Variants in SLC22A11 observed in about 807,000 individuals in gnomAD.
The protein encoded by SLC22A11 is solute carrier family 22 member 11, also known as organic anion transporter 4.
SLC22A11 carries 42 observed loss-of-function variants against 49.4 expected under a neutral mutation model. That is an observed-to-expected ratio of 0.85 (90% confidence interval 0.66 to 1.10). SLC22A11 has a LOEUF of 1.10. SLC22A11 is among the 50% of genes least tolerant of loss of function. The pLI is 0.00. For missense variants in SLC22A11, 685 were observed against 731.6 expected, an observed-to-expected ratio of 0.94 and a Z score of 0.74; for synonymous variants, 304 against 315.8, an observed-to-expected ratio of 0.96 and a Z score of 0.40.
rs2038603798 is a variant in SLC22A11, at chr11:64,565,050, GAGA to G, written c.943-170_943-168del. 6.6e-6 allele frequency among the ~76,000 whole-genome samples: 1 copy of G among 152,186 alleles called. No homozygotes were observed. On this transcript the variant is annotated intron_variant, in intron 5 of 9. Coordinates refer to ENST00000301891, the MANE Select transcript of SLC22A11 (RefSeq NM_018484.4). The surrounding 1 kb of genome is among the most constrained non-coding windows in gnomAD (Gnocchi z 4.1). The stretch of plus-strand genomic sequence containing the variant: ...ACCTGCAGAAGAGCCAGGGCCTGGA[GAGA>G]ACCTTTTCTGCCCCATCCCCTCCCC...
Position 64,569,653 on chromosome 11 carries a change from AT to A in SLC22A11, c.1385del (p.Met462ArgfsTer16). 1 of 1,613,270 alleles carries A rather than the reference AT, an allele frequency of 6.2e-7. No homozygotes were observed. Among genetic ancestry groups the A allele is most frequent in the Non-Finnish European group, 8.5e-7 (1 of 1,179,530 alleles). On this transcript the variant is annotated frameshift_variant and splice_region_variant, in exon 9 of 10. Coordinates refer to ENST00000301891, the MANE Select transcript of SLC22A11 (RefSeq NM_018484.4). LOFTEE classifies it high-confidence loss of function. The stretch of plus-strand genomic sequence containing the variant: ...CTGGGCCCTCCCCTTCACCCACAGG[AT>A]GACAGCAGATGGCATTCTGCATACA... The part of the protein sequence containing the change: ...KAELFPTPVR[M>X]TADGILHTVG...
intron 1 of SLC22A11, 78 bp from the exon 2 acceptor site, chr11:64,559,057 G>C: frequency 8.0e-7 from 1 of 1,252,066 alleles, no homozygotes; most frequent in Non-Finnish European, 1.2e-6. Context: ...CCCCAGTGTG[G>C]GTCAGGCGTT....
Position 64,565,501 on chromosome 11 carries a change from C to A in SLC22A11, c.1058+164C>A. 1.5e-6 allele frequency: 1 copy of A among 686,770 alleles called. No individual in the cohort carries two copies. Among genetic ancestry groups the A allele is most frequent in the Non-Finnish European group, 2.6e-6 (1 of 377,848 alleles). The allele number at this position is 686,770 out of a possible 1,614,324, so 42.5% of individuals were successfully genotyped here. A position where few individuals can be genotyped will look rare whatever the true frequency, so the allele number is the denominator to read the frequency against. On this transcript the variant is annotated intron_variant, in intron 6 of 9. Transcript: ENST00000301891. This position sits in a 1 kb window ranked among gnomAD's most constrained non-coding sequence, Gnocchi z 4.1. Reference sequence around the variant, plus strand: ...GCAGACAGCCCCAGCAGGCAGGAGTCCTGGCAGGCAGCAGAGAGGGACTAT... The same window carrying A: ...GCAGACAGCCCCAGCAGGCAGGAGTACTGGCAGGCAGCAGAGAGGGACTAT...
At chr11:64,560,964 T>C (rs1009906648) in intron 2 of SLC22A11, among the ~76,000 whole-genome samples, 3 of 152,204 alleles carry the variant, frequency 2.0e-5, no homozygotes, top group Admixed American at 6.5e-5. Flanking sequence ...TGGGCCTCAG[T>C]TTCCCCCCAG....
chr11:64,563,610 T>TAAAAAAAAAAAAAAAA (rs869085115), intron 4 of SLC22A11, among the ~76,000 whole-genome samples: 2 of 43,840 alleles, frequency 4.6e-5, no homozygotes, highest in African/African-American at 1.1e-4. Context: ...TTAAATGTGC[T>TAAAAAAAAAAAAAAAA]AAAAAAAAAA....
chr11:64,563,605 T>G (rs1591374500), intron 4 of SLC22A11, among the ~76,000 whole-genome samples: 1 of 36,132 alleles, frequency 2.8e-5, no homozygotes. Context: ...ATATTTTAAA[T>G]GTGCTAAAAA....
Position 64,564,407 on chromosome 11 carries a change from G to C in SLC22A11, c.921G>C (p.Glu307Asp). ...RKVARINGHK[E>D]AKNLTIEVLM... ...TGGCCAGGATAAATGGCCACAAGGA[G>C]GCCAAGAACCTGACCATAGAGGTGA... Residue 307 changes from glutamate to aspartate, a missense_variant, in exon 5 of 10, where the codon GAG (glutamate) becomes GAC (aspartate). Physicochemically the swap from Glu to Asp is conservative, Grantham distance 45. Coordinates refer to ENST00000301891, the MANE Select transcript of SLC22A11 (RefSeq NM_018484.4). This position sits in a 1 kb window ranked among gnomAD's most constrained non-coding sequence, Gnocchi z 4.2. 1 of 1,614,094 alleles carries C rather than the reference G, an allele frequency of 6.2e-7. No homozygotes were observed. The highest frequency in any genetic ancestry group is 1.1e-5 in the South Asian group (1 of 91,084).
chr11:64,569,557 C>T (rs2038674778), intron 8 of SLC22A11, 95 bp from the exon 9 acceptor site: 4 of 1,347,006 alleles, frequency 3.0e-6, no homozygotes, highest in Non-Finnish European at 4.1e-6. Context: ...TTCCCTCAGC[C>T]CAGCTTTCCT....
In SLC22A11 at chr11:64,565,112, C is replaced by A. The variant is rs1405204943; in HGVS notation, c.943-110C>A. The A allele has an allele frequency of 2.4e-6, 2 of 836,042 alleles. No individual in the cohort carries two copies. The highest frequency in any genetic ancestry group is 3.7e-6 in the Non-Finnish European group (2 of 539,690). The allele number at this position is 836,042 out of a possible 1,614,324, so 51.8% of individuals were successfully genotyped here. A position where few individuals can be genotyped will look rare whatever the true frequency, so the allele number is the denominator to read the frequency against. ...GGGATCCAGCTTCCAGAGGCCGAGG[C>A]CCAGGACAGGCTCCCCGTCACTCTG... On this transcript the variant is annotated intron_variant, in intron 5 of 9. Coordinates refer to ENST00000301891, the MANE Select transcript of SLC22A11 (RefSeq NM_018484.4). The surrounding 1 kb of genome is among the most constrained non-coding windows in gnomAD (Gnocchi z 4.1).
Position 64,564,756 on chromosome 11 carries a change from C to T in SLC22A11, c.942+328C>T, listed in dbSNP as rs1188358808. Among the ~76,000 whole-genome samples the T allele has an allele frequency of 6.6e-6, 1 of 152,158 alleles. No individual in the cohort carries two copies. Among genetic ancestry groups the T allele is most frequent in the Non-Finnish European group, 1.5e-5 (1 of 68,036 alleles). On this transcript the variant is annotated intron_variant, in intron 5 of 9. Coordinates refer to ENST00000301891, the MANE Select transcript of SLC22A11 (RefSeq NM_018484.4). This position sits in a 1 kb window ranked among gnomAD's most constrained non-coding sequence, Gnocchi z 4.2. ...CTGCAAAACATCTCCACCACCTTCA[C>T]CACCATCGTCACCATCGGTAACAGC...
Position 64,562,313 on chromosome 11 carries a change from G to T in SLC22A11, c.699G>T (p.Val233=). ...GCAGGAGGGCGGTCACCATGACGGT[G>T]GTGGGATGTGCCTTCAGCGCAGGCC... ...TTSRRAVTMT[V]VGCAFSAGQA... The change falls in exon 4 of 10, where the codon GTG becomes GTT. Residue 233 remains valine (V), a synonymous_variant. Coordinates refer to ENST00000301891, the MANE Select transcript of SLC22A11 (RefSeq NM_018484.4). This position sits in a 1 kb window ranked among gnomAD's most constrained non-coding sequence, Gnocchi z 4.4. The T allele has an allele frequency of 6.2e-7, 1 of 1,611,206 alleles. No homozygotes were observed. Among genetic ancestry groups the T allele is most frequent in the South Asian group, 1.1e-5 (1 of 90,910 alleles).
In SLC22A11 at chr11:64,564,358, A is replaced by G. The variant is rs142027244; in HGVS notation, c.872A>G (p.Gln291Arg). 617 of 1,614,126 alleles carry G rather than the reference A, an allele frequency of 3.8e-4. No individual in the cohort carries two copies. The highest frequency in any genetic ancestry group is 4.7e-4 in the Non-Finnish European group (556 of 1,180,016). The change falls in exon 5 of 10, where the codon CAA becomes CGA. Residue 291 changes from glutamine (Q) to arginine (R), a missense_variant. By Grantham distance (43) the Gln-to-Arg change is conservative. Coordinates refer to ENST00000301891, the MANE Select transcript of SLC22A11 (RefSeq NM_018484.4). The surrounding 1 kb of genome is among the most constrained non-coding windows in gnomAD (Gnocchi z 4.2). ...CTGATTATTAAGGGCAAACCAGACC[A>G]AGCACTTCAGGAGCTCAGAAAGGTG... ...RWLIIKGKPD[Q>R]ALQELRKVAR...
At position 64,564,064 on chromosome 11, in the gene SLC22A11, G is replaced by C. The variant is rs772006989; in HGVS notation, c.822-244G>C. ...TGCAGGGCTCAGGTGGGCAGGCCCC[G>C]GGCAGCCAGGCGAGCCAGATGGAGG... On this transcript the variant is annotated intron_variant, in intron 4 of 9. Transcript: ENST00000301891. The surrounding 1 kb of genome is among the most constrained non-coding windows in gnomAD (Gnocchi z 4.2). 3.9e-5 allele frequency among the ~76,000 whole-genome samples: 6 copies of C among 152,160 alleles called. No homozygotes were observed. The highest frequency in any genetic ancestry group is 7.4e-5 in the Non-Finnish European group (5 of 68,004).
chr11:64,564,514 C>G lies in SLC22A11; in HGVS notation c.942+86C>G. 6.6e-7 allele frequency: 1 copy of G among 1,517,690 alleles called. No individual in the cohort carries two copies. The highest frequency in any genetic ancestry group is 1.2e-5 in the South Asian group (1 of 81,652). 94.0% of individuals were successfully genotyped at this position (1,517,690 alleles called of 1,614,324 possible). Reference sequence around the variant, plus strand: ...GTGTGGCCTCCAACAGCACCACCCACTCCAGCACCACCTCCACCAGCACCA... The same window carrying G: ...GTGTGGCCTCCAACAGCACCACCCAGTCCAGCACCACCTCCACCAGCACCA... On this transcript the variant is annotated intron_variant, in intron 5 of 9. Coordinates refer to ENST00000301891, the MANE Select transcript of SLC22A11 (RefSeq NM_018484.4). This position sits in a 1 kb window ranked among gnomAD's most constrained non-coding sequence, Gnocchi z 4.2.
At chr11:64,557,798 A>ATTTTT (rs71049648) in intron 1 of SLC22A11, among the ~76,000 whole-genome samples, 27 of 133,358 alleles carry the variant, frequency 2.0e-4, no homozygotes, top group African/African-American at 7.2e-4. Flanking sequence ...TGCCCAGCTA[A>ATTTTT]TTTTTTTTTT....
intron 8 of SLC22A11, 67 bp from the exon 9 acceptor site, chr11:64,569,585 G>C: frequency 6.6e-7 from 1 of 1,511,840 alleles, no homozygotes; most frequent in Non-Finnish European, 9.0e-7. Context: ...GCATCTGTGA[G>C]CCCAGGATGT....
chr11:64,561,571 C>T (rs2038544320), intron 2 of SLC22A11, among the ~76,000 whole-genome samples: 1 of 152,104 alleles, frequency 6.6e-6, no homozygotes, highest in Admixed American at 6.5e-5. Context: ...ACCTCAGCCT[C>T]CCAAGTAGCT....
At chr11:64,568,591 A>T in intron 7 of SLC22A11, 79 bp from the exon 8 acceptor site, 1 of 1,211,040 alleles carries the variant, frequency 8.3e-7, no homozygotes. Context: ...CCTCTGCTCC[A>T]GGCTGGCTGG....
chr11:64,570,381 C>T (rs2038687522), intron 9 of SLC22A11, among the ~76,000 whole-genome samples: 2 of 152,234 alleles, frequency 1.3e-5, no homozygotes, highest in Admixed American at 1.3e-4. Context: ...ATTTTATAGC[C>T]AGAACCACTT....
Sources: allele counts gnomAD v4.1 joint callset (sites outside exome capture counted in the v4.1 genomes callset), GRCh38; gene constraint gnomAD v4.1.1; non-coding constraint Gnocchi (gnomAD v3.1); transcripts MANE v1.5; gene names NCBI Gene and HGNC (gene_info 2026-07-23, HGNC 2026-07-21).